The following FAHD2B variants were observed in gnomAD, a reference collection of about 807,000 sequenced individuals.
The protein encoded by FAHD2B is oxaloacetate tautomerase FAHD2B, mitochondrial.
Under a neutral mutation model 33.7 loss-of-function variants are expected in FAHD2B, and 26 were observed. The ratio of observed to expected loss-of-function variants is 0.77; its 90% CI spans 0.57 to 1.07. The LOEUF (loss-of-function observed/expected upper bound fraction) is 1.07. Ranked by LOEUF, FAHD2B falls within the 50% of genes least tolerant of loss-of-function variation. The probability of loss-of-function intolerance (pLI) is 0.00; values close to 1 mark genes in which losing one functional copy is unlikely to be tolerated. For missense variants in FAHD2B, 272 were observed against 388.1 expected (o/e 0.70, Z 2.51); for synonymous variants, 108 against 150.9 (o/e 0.72, Z 2.08).
At chr2:97,093,471 C>CT (rs34927915) in intron 1 of FAHD2B, among the ~76,000 whole-genome samples, 21,952 of 92,140 alleles carry the variant, frequency 0.24, 4,063 homozygotes, top group African/African-American at 0.49. Context: ...TGATTTAATT[C>CT]TTTTTTTTTT....
intron 1 of FAHD2B, among the ~76,000 whole-genome samples, chr2:97,093,575 T>C (rs1035602041): frequency 3.3e-5 from 5 of 150,184 alleles, no homozygotes; most frequent in East Asian, 2.0e-4. Flanking sequence ...CCCGGGTTCA[T>C]GCCATTCTCC....
downstream of FAHD2B, chr2:97,082,366 G>T: frequency 6.2e-7 from 1 of 1,612,572 alleles, no homozygotes; most frequent in Non-Finnish European, 8.5e-7. Context: ...TGTCTGTGCT[G>T]GGTGCCAGGT....
In FAHD2B at chr2:97,085,716, G is replaced by A. The variant is rs753011355; in HGVS notation, c.668C>T (p.Thr223Ile). The A allele has an allele frequency of 2.5e-6, 4 of 1,613,794 alleles. No individual in the cohort carries two copies. The South Asian group carries it at 3.3e-5, about 13-fold the overall frequency. The change falls in exon 6 of 9, where the codon ACC becomes ATC. Residue 223 changes from threonine to isoleucine, a missense_variant. Transcript: ENST00000414820. ...TFCPLGPALVTKDSVADPHNL... is the reference protein window; with the variant it reads ...TFCPLGPALVIKDSVADPHNL... ...GGACCTACCTGCTACACTGTCCTTG[G>A]TCACCAAGGCAGGGCCCAGAGGGCA...
chr2:97,091,062 T>A (rs1187687154), intron 3 of FAHD2B, among the ~76,000 whole-genome samples: 1 of 79,322 alleles, frequency 1.3e-5, no homozygotes, highest in South Asian at 3.4e-4. Context: ...ATAGAAAACC[T>A]CCTTGCAGTC....
Position 97,090,128 on chromosome 2 carries a change from A to T in FAHD2B, c.443T>A (p.Val148Asp). 1 of 1,599,236 alleles carries T rather than the reference A, an allele frequency of 6.3e-7. No homozygotes were observed. The highest frequency in any genetic ancestry group is 1.3e-5 in the African/African-American group (1 of 74,640). Residue 148 changes from valine to aspartate, a missense_variant, in exon 4 of 9, where the codon GTC becomes GAC. Transcript: ENST00000414820. ...ACTGACCTGGCTCTGTGGTGGGAGG[A>T]CCACCTCATCATAGGGCCCCACGAT... Reference protein sequence around the residue: ...SSIVGPYDEVVLPPQSQEVDW... With the variant: ...SSIVGPYDEVDLPPQSQEVDW...
downstream of FAHD2B, chr2:97,082,500 C>A: frequency 3.7e-6 from 6 of 1,611,116 alleles, 1 homozygote; most frequent in South Asian, 6.6e-5. Context: ...CTCCTGCAGG[C>A]AGTGGTGTTT....
At chr2:97,084,622 G>A (rs1031857675) in intron 6 of FAHD2B, among the ~76,000 whole-genome samples, 4 of 152,050 alleles carry the variant, frequency 2.6e-5, no homozygotes, top group African/African-American at 9.7e-5. Flanking sequence ...TGACTCCCGG[G>A]CAGGGCCAAG....
chr2:97,081,327 T>C (rs2031637159), downstream of FAHD2B: 1 of 1,534,354 alleles, frequency 6.5e-7, no homozygotes, highest in Non-Finnish European at 8.7e-7. Context: ...CTGCCCATGC[T>C]CTACCTCTGA....
rs768151716 is a variant in FAHD2B, at chr2:97,084,158, T to G, written c.794+11A>C. On this transcript the variant is annotated intron_variant, in intron 7 of 8. Coordinates refer to ENST00000414820, the MANE Select transcript of FAHD2B (RefSeq NM_001320848.2). ...TGGAGCGGGGCTGGCAGGACAGCCCTTGTCACTCACTGGGAGACCCAGGCT... is the reference window on the plus strand; with the variant it reads ...TGGAGCGGGGCTGGCAGGACAGCCCGTGTCACTCACTGGGAGACCCAGGCT... 5 of 1,613,680 alleles carry G rather than the reference T, an allele frequency of 3.1e-6. No homozygotes were observed. The South Asian group carries it at 5.5e-5, about 18-fold the overall frequency.
At chr2:97,081,120 G>T (rs925520241), downstream of FAHD2B, 16 of 1,504,002 alleles carry the variant, frequency 1.1e-5, no homozygotes, top group African/African-American at 2.1e-4. Flanking sequence ...TGCGGGGGCT[G>T]CTGGCAGGCA....
downstream of FAHD2B, among the ~76,000 whole-genome samples, chr2:97,079,183 T>C (rs769463302): frequency 9.2e-5 from 14 of 152,146 alleles, no homozygotes; most frequent in Non-Finnish European, 1.9e-4. Context: ...TGATGGGCAT[T>C]TAGATTGATT....
rs1172745799 is a variant in FAHD2B, at chr2:97,090,037, G to A, written c.462+72C>T. The A allele has an allele frequency of 3.3e-6, 5 of 1,517,276 alleles. No homozygotes were observed. The East Asian group carries it at 1.1e-4, about 34-fold the overall frequency. 94.0% of individuals were successfully genotyped at this position (1,517,276 alleles called of 1,614,324 possible). The stretch of plus-strand genomic sequence containing the variant: ...TACTGAGCGAGAGGTGGCTCCAGTA[G>A]GCTCAATACTGAGCTCAGAATGCCC... On this transcript the variant is annotated intron_variant, in intron 4 of 8. Coordinates refer to ENST00000414820, the MANE Select transcript of FAHD2B (RefSeq NM_001320848.2).
At chr2:97,081,225 G>T, downstream of FAHD2B, 3 of 1,488,976 alleles carry the variant, frequency 2.0e-6, no homozygotes, top group South Asian at 4.0e-5. Context: ...TGCACCTGCT[G>T]CCGCAAGACC....
At chr2:97,085,655 T>C in intron 6 of FAHD2B, 44 bp downstream of exon 6, 1 of 1,609,828 alleles carries the variant, frequency 6.2e-7, no homozygotes, top group Non-Finnish European at 8.5e-7. Context: ...GGGCTGTTCA[T>C]CTGTGCAATG....
intron 7 of FAHD2B, 21 bp from the exon 8 acceptor site, chr2:97,084,056 C>A (rs369223989): frequency 2.4e-4 from 380 of 1,610,458 alleles, no homozygotes; most frequent in Non-Finnish European, 3.1e-4. Context: ...GCAAAAGGAC[C>A]CAGTGAGACC....
intron 1 of FAHD2B, among the ~76,000 whole-genome samples, chr2:97,092,237 C>T (rs1421665464): frequency 6.6e-6 from 1 of 152,162 alleles, no homozygotes; most frequent in Non-Finnish European, 1.5e-5. Context: ...ACTGGCTTCA[C>T]AGTGGCCATA....
At chr2:97,088,058 GATTCTTCA>G (rs1464644436) in intron 4 of FAHD2B, among the ~76,000 whole-genome samples, 1 of 152,038 alleles carries the variant, frequency 6.6e-6, no homozygotes, top group Non-Finnish European at 1.5e-5. Flanking sequence ...GAGACAACTG[GATTCTTCA>G]AGGAAAGGGC....
chr2:97,080,405 A>G (rs1167985002), downstream of FAHD2B, among the ~76,000 whole-genome samples: 1 of 151,940 alleles, frequency 6.6e-6, no homozygotes, highest in African/African-American at 2.4e-5. Flanking sequence ...GTGGGGGTGT[A>G]GTCTTATTTC....
chr2:97,083,144 T>A, downstream of FAHD2B: 1 of 1,575,208 alleles, frequency 6.3e-7, no homozygotes, highest in South Asian at 1.2e-5. Flanking sequence ...ATGGCCCAGG[T>A]TCTGCAGCAG....
Sources: gnomAD v4.1 joint callset for allele counts (sites outside exome capture counted in the v4.1 genomes callset) on GRCh38, gnomAD v4.1.1 for gene constraint, MANE v1.5 for transcripts, NCBI Gene and HGNC (gene_info 2026-07-23, HGNC 2026-07-21) for gene names.